PCDHGB2: variants seen among roughly 807,000 people sequenced by gnomAD.
The protein encoded by PCDHGB2 is protocadherin gamma subfamily B, 2, also known as protocadherin gamma-B2.
A neutral mutation model predicts 59.3 loss-of-function variants in PCDHGB2; 55 were observed. The observed-to-expected ratio is 0.93, with a 90% CI of 0.75 to 1.16. PCDHGB2 has a LOEUF of 1.16. Among genes scored for constraint, PCDHGB2 ranks in the 50% most tolerant of loss-of-function variants. The pLI, the probability that PCDHGB2 is intolerant of heterozygous loss-of-function variation, is 0.00. For synonymous variants in PCDHGB2, 516 were observed against 512.0 expected (o/e 1.01, Z -0.11); for missense variants, 1,228 against 1,198.5 (o/e 1.02, Z -0.36).
Position 141,431,706 on chromosome 5 carries a change from A to T in PCDHGB2, c.2422-63101A>T. The T allele has an allele frequency of 6.2e-7, 1 of 1,614,248 alleles. No homozygotes were observed. The highest frequency in any genetic ancestry group is 8.5e-7 in the Non-Finnish European group (1 of 1,180,048). On this transcript the variant is annotated intron_variant, in intron 1 of 3. Coordinates refer to ENST00000522605, the MANE Select transcript of PCDHGB2 (RefSeq NM_018923.3). The surrounding 1 kb of genome is among the most constrained non-coding windows in gnomAD (Gnocchi z 4.8). ...GACCACGAGGAGTCAGGATTCTACC[A>T]GATGGAAGTGCAAGCAATGGATAAT...
At chr5:141,414,918 G>A (rs1316323072) in intron 1 of PCDHGB2, 2 of 1,614,180 alleles carry the variant, frequency 1.2e-6, no homozygotes, top group Admixed American at 3.3e-5. Flanking sequence ...GCGTGGAGCT[G>A]GCGCCCCGCT....
intron 1 of PCDHGB2, chr5:141,413,874 T>C: frequency 6.2e-7 from 1 of 1,613,424 alleles, no homozygotes; most frequent in Non-Finnish European, 8.5e-7. Context: ...TCCTTGTCAG[T>C]GTGACTGTCT....
chr5:141,404,572 A>G (rs755182149), intron 1 of PCDHGB2: 79 of 1,613,728 alleles, frequency 4.9e-5, no homozygotes, highest in Non-Finnish European at 6.0e-5. Context: ...GTGGAAGCCC[A>G]CCACTTAGCA....
chr5:141,505,590 A>G, intron 3 of PCDHGB2, 109 bp downstream of exon 3: 1 of 1,571,996 alleles, frequency 6.4e-7, no homozygotes, highest in East Asian at 2.3e-5. Context: ...TAGTTTCTCC[A>G]GATCTTTCGG....
At chr5:141,451,945 C>T (rs906800803) in intron 1 of PCDHGB2, among the ~76,000 whole-genome samples, 1 of 151,970 alleles carries the variant, frequency 6.6e-6, no homozygotes, top group Non-Finnish European at 1.5e-5. Flanking sequence ...AGGGAAAGAC[C>T]GAGAAAGTGA....
At chr5:141,450,006 CTTTTTT>C (rs1554136305) in intron 1 of PCDHGB2, among the ~76,000 whole-genome samples, 7,115 of 132,964 alleles carry the variant, frequency 0.054, 434 homozygotes, top group African/African-American at 0.14. Flanking sequence ...TGCCATGTCT[CTTTTTT>C]TTTTTTTTTT....
intron 1 of PCDHGB2, chr5:141,478,776 A>T: frequency 1.3e-6 from 2 of 1,488,808 alleles, no homozygotes; most frequent in Non-Finnish European, 1.8e-6. Context: ...TCATCTGTGG[A>T]CCTAATTCAC....
intron 1 of PCDHGB2, chr5:141,393,645 G>A (rs2092814255): frequency 6.2e-7 from 1 of 1,613,752 alleles, no homozygotes; most frequent in Non-Finnish European, 8.5e-7. Flanking sequence ...CGGAAAAGTG[G>A]CATACAAATT....
Position 141,362,412 on chromosome 5 carries a change from A to G in PCDHGB2, c.2277A>G (p.Gln759=), listed in dbSNP as rs369877843. 98 of 1,613,916 alleles carry G rather than the reference A, an allele frequency of 6.1e-5. No homozygotes were observed. The highest frequency in any genetic ancestry group is 8.1e-5 in the Non-Finnish European group (95 of 1,179,904). Reference sequence around the variant, plus strand: ...CCTACAACCTGTGTGTTGCCTCACAATCAGCCAAGACAGAGTTCAATTTTC... The same window carrying G: ...CCTACAACCTGTGTGTTGCCTCACAGTCAGCCAAGACAGAGTTCAATTTTC... ...PYSYNLCVAS[Q]SAKTEFNFLN... The change falls in exon 1 of 4, where the codon CAA becomes CAG. Residue 759 remains glutamine (Q), a synonymous_variant. Coordinates refer to ENST00000522605, the MANE Select transcript of PCDHGB2 (RefSeq NM_018923.3).
At chr5:141,365,827 G>T (rs746773273) in intron 1 of PCDHGB2, 5 of 1,613,872 alleles carry the variant, frequency 3.1e-6, no homozygotes, top group Admixed American at 1.7e-5. Flanking sequence ...TTCAGGGGGC[G>T]CCCTTGTCCT....
intron 1 of PCDHGB2, among the ~76,000 whole-genome samples, chr5:141,406,775 CACTT>C (rs2094850405): frequency 6.6e-6 from 1 of 152,200 alleles, no homozygotes; most frequent in Non-Finnish European, 1.5e-5. Context: ...ATATTTCTCT[CACTT>C]ATATATTATT....
chr5:141,476,553 A>G lies in PCDHGB2; in HGVS notation c.2422-18254A>G. On this transcript the variant is annotated intron_variant, in intron 1 of 3. Coordinates refer to ENST00000522605, the MANE Select transcript of PCDHGB2 (RefSeq NM_018923.3). The surrounding 1 kb of genome is among the most constrained non-coding windows in gnomAD (Gnocchi z 7.6). ...CAGGAAATGAAATTGGAGATTAGCG[A>G]GGCCGTGGCTCCGGGGACGCGCTTT... The G allele has an allele frequency of 1.2e-6, 2 of 1,614,226 alleles. No homozygotes were observed. The highest frequency in any genetic ancestry group is 1.7e-6 in the Non-Finnish European group (2 of 1,180,040).
chr5:141,389,002 A>T (rs749693513), intron 1 of PCDHGB2: 25 of 1,613,966 alleles, frequency 1.5e-5, no homozygotes, highest in Admixed American at 3.3e-5. Context: ...CGTGACAAGG[A>T]TTCCAGACAC....
Position 141,432,741 on chromosome 5 carries a change from C to A in PCDHGB2, c.2422-62066C>A. 6.2e-7 allele frequency: 1 copy of A among 1,614,106 alleles called. No individual in the cohort carries two copies. The highest frequency in any genetic ancestry group is 8.5e-7 in the Non-Finnish European group (1 of 1,179,988). On this transcript the variant is annotated intron_variant, in intron 1 of 3. Transcript: ENST00000522605. The surrounding 1 kb of genome is among the most constrained non-coding windows in gnomAD (Gnocchi z 6.0). ...CCTCTCTCCGCCACTGTCACGCTCA[C>A]CGTGGCCGTGGCCGACAGCATCCCC...
At chr5:141,460,961 A>ATG (rs35821115) in intron 1 of PCDHGB2, among the ~76,000 whole-genome samples, 128 of 144,610 alleles carry the variant, frequency 8.9e-4, no homozygotes, top group Middle Eastern at 7.1e-3. Context: ...GTATATATAT[A>ATG]TGTGTGTGTG....
At chr5:141,501,355 A>G (rs936121172) in intron 2 of PCDHGB2, among the ~76,000 whole-genome samples, 4 of 151,760 alleles carry the variant, frequency 2.6e-5, no homozygotes, top group African/African-American at 9.7e-5. Flanking sequence ...ATAGGGCAAG[A>G]ACCATATTCA....
At chr5:141,403,240 T>A (rs948095468) in intron 1 of PCDHGB2, 2 of 1,613,926 alleles carry the variant, frequency 1.2e-6, no homozygotes, top group Admixed American at 3.3e-5. Flanking sequence ...AGGAGCTCTG[T>A]GCTCAGAGCC....
intron 1 of PCDHGB2, chr5:141,408,952 T>C (rs531696982): frequency 6.2e-7 from 1 of 1,613,544 alleles, no homozygotes; most frequent in African/African-American, 1.3e-5. Context: ...ATAGAATTAG[T>C]CTTAGTGAAA....
chr5:141,478,352 G>T lies in PCDHGB2; in HGVS notation c.2422-16455G>T, dbSNP rs767743120. 36 of 1,613,674 alleles carry T rather than the reference G, an allele frequency of 2.2e-5. No homozygotes were observed. Among genetic ancestry groups the T allele is most frequent in the Non-Finnish European group, 3.1e-5 (36 of 1,180,016 alleles). On this transcript the variant is annotated intron_variant, in intron 1 of 3. Transcript: ENST00000522605. ...ACCAGGGCCCTCCTTGCACGCGGACGCCGTGCGGGGAGGCCTGATGTCGCC... is the reference window on the plus strand; with the variant it reads ...ACCAGGGCCCTCCTTGCACGCGGACTCCGTGCGGGGAGGCCTGATGTCGCC...
Sources: allele counts gnomAD v4.1 joint callset (sites outside exome capture counted in the v4.1 genomes callset), GRCh38; gene constraint gnomAD v4.1.1; non-coding constraint Gnocchi (gnomAD v3.1); transcripts MANE v1.5; gene names NCBI Gene and HGNC (gene_info 2026-07-23, HGNC 2026-07-21).